Variants in SLC45A4 observed in about 807,000 individuals in gnomAD.
The protein encoded by SLC45A4 is solute carrier family 45 member 4, also known as polyamine-transporter SLC45A4.
Under a neutral mutation model 63.7 loss-of-function variants are expected in SLC45A4, and 32 were observed. The observed-to-expected ratio is 0.50, with a 90% CI of 0.38 to 0.67. The LOEUF (loss-of-function observed/expected upper bound fraction) is 0.67. SLC45A4 is among the 30% of genes least tolerant of loss of function. The pLI is 0.00. For synonymous variants in SLC45A4, 535 were observed against 510.0 expected (o/e 1.05, Z -0.66); for missense variants, 1,027 against 1,157.7 (o/e 0.89, Z 1.64).
chr8:141,301,872 G>A (rs1830756715), intron 1 of SLC45A4, among the ~76,000 whole-genome samples: 1 of 151,742 alleles, frequency 6.6e-6, no homozygotes, highest in South Asian at 2.1e-4. Flanking sequence ...TGGAGAGAGA[G>A]AATTGCATAG....
chr8:141,253,832 C>A (rs1434838848), intron 2 of SLC45A4, among the ~76,000 whole-genome samples, 157 bp downstream of exon 2: 1 of 152,234 alleles, frequency 6.6e-6, no homozygotes, highest in Non-Finnish European at 1.5e-5. Context: ...GAGACGAAAA[C>A]CACCATCAGG....
At chr8:141,235,546 AGC>A (rs1227252341) in intron 2 of SLC45A4, among the ~76,000 whole-genome samples, 1 of 152,174 alleles carries the variant, frequency 6.6e-6, no homozygotes, top group Non-Finnish European at 1.5e-5. Context: ...ATCCGAAGAA[AGC>A]ACAAAGCCAC....
chr8:141,223,357 G>C (rs1826775466), intron 2 of SLC45A4, among the ~76,000 whole-genome samples: 1 of 152,186 alleles, frequency 6.6e-6, no homozygotes, highest in Admixed American at 6.5e-5. Context: ...AGCTTCACCG[G>C]AACTGAGTCC....
chr8:141,249,252 C>CA (rs1828358346), intron 2 of SLC45A4, among the ~76,000 whole-genome samples: 1 of 152,126 alleles, frequency 6.6e-6, no homozygotes, highest in African/African-American at 2.4e-5. Context: ...GAAACACATC[C>CA]ACACAGAGCC....
chr8:141,252,969 G>A (rs923094301), intron 2 of SLC45A4, among the ~76,000 whole-genome samples: 2 of 136,574 alleles, frequency 1.5e-5, no homozygotes, highest in African/African-American at 2.8e-5. Context: ...ACCTGTGCGT[G>A]TCCGCGAATT....
chr8:141,304,189 A>C (rs562664552), intron 1 of SLC45A4, among the ~76,000 whole-genome samples: 2 of 152,182 alleles, frequency 1.3e-5, no homozygotes, highest in East Asian at 3.9e-4. Context: ...CTACTTGGGA[A>C]GCTGGGGCAG....
chr8:141,217,080 G>A lies in SLC45A4; in HGVS notation c.1729+10C>T, dbSNP rs1826199152. 1.2e-6 allele frequency: 2 copies of A among 1,613,460 alleles called. No individual in the cohort carries two copies. The highest frequency in any genetic ancestry group is 4.5e-5 in the East Asian group (2 of 44,878). ...GGTGCGAGTGCTGACCTGACTTGGG[G>A]AGCTCTTACCTGAACAAATAGCACC... On this transcript the variant is annotated intron_variant, in intron 6 of 8. Coordinates refer to ENST00000517878, the MANE Select transcript of SLC45A4 (RefSeq NM_001286646.2).
At chr8:141,212,135 G>GCCGC (rs1007022385) in intron 8 of SLC45A4, 62 bp downstream of exon 8, 186 of 545,796 alleles carry the variant, frequency 3.4e-4, no homozygotes, top group African/African-American at 1.1e-3. Context: ...GCCTGGCCCC[G>GCCGC]CCGCCCGCCC....
At chr8:141,291,008 C>T (rs898831594) in intron 1 of SLC45A4, among the ~76,000 whole-genome samples, 2 of 152,122 alleles carry the variant, frequency 1.3e-5, no homozygotes, top group East Asian at 1.9e-4. Flanking sequence ...GCCACCATGC[C>T]GGGCTAATTT....
rs1384288067 is a variant in SLC45A4 at position 141,277,726 on chromosome 8, G to A, written c.-400-23097C>T. 2.0e-5 allele frequency among the ~76,000 whole-genome samples: 3 copies of A among 151,668 alleles called. 1 individual carries two copies. Among genetic ancestry groups the A allele is most frequent in the South Asian group, 4.2e-4 (2 of 4,796 alleles). On this transcript the variant is annotated intron_variant, in intron 1 of 8. Transcript: ENST00000517878. ...GCGATCTCGGCTCACTGCAAGCTCCGCCTCCCGGGTTCACGCCATTCTCCT... is the reference window on the plus strand; with the variant it reads ...GCGATCTCGGCTCACTGCAAGCTCCACCTCCCGGGTTCACGCCATTCTCCT...
chr8:141,217,145 G>T lies in SLC45A4; in HGVS notation c.1674C>A (p.Val558=). 1 of 1,613,984 alleles carries T rather than the reference G, an allele frequency of 6.2e-7. No homozygotes were observed. The highest frequency in any genetic ancestry group is 8.5e-7 in the Non-Finnish European group (1 of 1,180,000). ...TGACCAGGCCCCAGCAGCCCATCTT[G>T]ACCCCGGCGTTGTAGGCTTGCCAGG... ...STAWQAYNAG[V]KMGCWGLVIY... Residue 558 remains valine, a synonymous_variant, in exon 6 of 9, where the codon GTC becomes GTA. Coordinates refer to ENST00000517878, the MANE Select transcript of SLC45A4 (RefSeq NM_001286646.2).
intron 5 of SLC45A4, among the ~76,000 whole-genome samples, chr8:141,217,418 C>T (rs761828334): frequency 2.5e-4 from 38 of 152,314 alleles, no homozygotes; most frequent in Non-Finnish European, 3.8e-4. Flanking sequence ...CGGCAAGAGG[C>T]GGAGGGTTCT....
chr8:141,230,317 A>G, intron 2 of SLC45A4: 1 of 353,840 alleles, frequency 2.8e-6, no homozygotes, highest in Non-Finnish European at 5.6e-6. Context: ...CCGCTCCTGA[A>G]GTCCCCGCCC....
chr8:141,269,469 T>C (rs1395810725), intron 1 of SLC45A4, among the ~76,000 whole-genome samples: 1 of 58,018 alleles, frequency 1.7e-5, no homozygotes, highest in East Asian at 5.2e-4. Context: ...TGTGTCTGTG[T>C]GTGTGTGTGT....
At position 141,218,827 on chromosome 8, in the gene SLC45A4, G is replaced by A. The variant is rs750912105; in HGVS notation, c.813C>T (p.Ala271=). 2.5e-6 allele frequency: 4 copies of A among 1,612,970 alleles called. 1 individual carries two copies. Among genetic ancestry groups the A allele is most frequent in the Middle Eastern group, 3.3e-4 (2 of 6,084 alleles). The change falls in exon 5 of 9, where the codon GCC becomes GCT. Residue 271 remains alanine (A), a synonymous_variant. Coordinates refer to ENST00000517878, the MANE Select transcript of SLC45A4 (RefSeq NM_001286646.2). ...CGCCGTGCGGCTCGCCCCCATCCAG[G>A]GCGCCGGGCTCCTCAGCGCTGCGCT... ...QQERSAEEPG[A]LDGGEPHGVP...
In SLC45A4 at chr8:141,207,927, C is replaced by T. The variant is rs1446831166; in HGVS notation, c.*3645G>A. The T allele has an allele frequency of 6.6e-6, 1 of 152,332 alleles. No homozygotes were observed. The highest frequency in any genetic ancestry group is 1.9e-4 in the East Asian group (1 of 5,204). The allele number at this position is 152,332 out of a possible 1,614,324, so 9.4% of individuals were successfully genotyped here. A position where few individuals can be genotyped will look rare whatever the true frequency, so the allele number is the denominator to read the frequency against. Reference sequence around the variant, plus strand: ...TCTCCCAGGTGGTGAAGGGCAGAACCCCCCCAGGAGCTCTCGGAAGCAGGG... The same window carrying T: ...TCTCCCAGGTGGTGAAGGGCAGAACTCCCCCAGGAGCTCTCGGAAGCAGGG... On this transcript the variant is annotated 3_prime_UTR_variant, in exon 9 of 9. Coordinates refer to ENST00000517878, the MANE Select transcript of SLC45A4 (RefSeq NM_001286646.2).
At chr8:141,237,485 T>C (rs966606670) in intron 2 of SLC45A4, among the ~76,000 whole-genome samples, 5 of 152,222 alleles carry the variant, frequency 3.3e-5, no homozygotes, top group South Asian at 4.1e-4. Context: ...TCTGTCTGCA[T>C]TGCGCTGGGT....
intron 1 of SLC45A4, among the ~76,000 whole-genome samples, chr8:141,288,893 G>C (rs920243528): frequency 3.3e-5 from 5 of 152,260 alleles, no homozygotes; most frequent in Non-Finnish European, 5.9e-5. Context: ...CAGATGGCCA[G>C]GCAGCTGGCA....
intron 1 of SLC45A4, among the ~76,000 whole-genome samples, chr8:141,271,427 G>A (rs1829515732): frequency 6.6e-6 from 1 of 152,218 alleles, no homozygotes; most frequent in Non-Finnish European, 1.5e-5. Flanking sequence ...AGGGCCTGTG[G>A]GGCAGGGCAC....
Sources: allele counts gnomAD v4.1 joint callset (sites outside exome capture counted in the v4.1 genomes callset), GRCh38; gene constraint gnomAD v4.1.1; transcripts MANE v1.5; gene names NCBI Gene and HGNC (gene_info 2026-07-23, HGNC 2026-07-21).